PCDHA2: variants seen among roughly 807,000 people sequenced by gnomAD.
PCDHA2 encodes the protein protocadherin alpha 2.
In PCDHA2, 58 loss-of-function variants were observed where a neutral mutation model predicts 66.0. That is an observed-to-expected ratio of 0.88 (90% CI 0.71 to 1.09). The LOEUF is 1.09. Among genes scored for constraint, PCDHA2 ranks in the 50% least tolerant of loss-of-function variants. PCDHA2 has a pLI of 0.00. For missense variants in PCDHA2, 1,267 were observed against 1,242.3 expected, an observed-to-expected ratio of 1.02 and a Z score of -0.30; for synonymous variants, 634 against 554.0, an observed-to-expected ratio of 1.14 and a Z score of -2.03.
intron 1 of PCDHA2, chr5:140,803,857 G>T: frequency 3.5e-6 from 2 of 572,466 alleles, no homozygotes; most frequent in Non-Finnish European, 6.1e-6. Flanking sequence ...TAAATGCCTG[G>T]GTATAAGACA....
At chr5:140,869,908 C>T (rs189065461) in intron 1 of PCDHA2, 51 of 1,610,528 alleles carry the variant, frequency 3.2e-5, no homozygotes, top group African/African-American at 2.4e-4. Flanking sequence ...CGCCACAGAC[C>T]GAGACGAAGG....
intron 1 of PCDHA2, chr5:140,829,317 T>A (rs1327527947): frequency 6.2e-7 from 1 of 1,614,134 alleles, no homozygotes; most frequent in East Asian, 2.2e-5. Context: ...TCGTTGGTGC[T>A]GGACAGTGCC....
rs147149527 is a variant in PCDHA2 at position 140,842,554 on chromosome 5, C to T, written c.2388+45202C>T. The T allele has an allele frequency of 1.0e-3, 1,636 of 1,596,230 alleles. 137 individuals carry two copies. The highest frequency in any genetic ancestry group is 3.5e-3 in the South Asian group (317 of 90,526). On this transcript the variant is annotated intron_variant, in intron 1 of 3. Transcript: ENST00000526136. Reference sequence around the variant, plus strand: ...ATTACTACTCGTTGGTGCTGGACAGCGCCCTGGACCGCGAGAGAGTGTCGG... The same window carrying T: ...ATTACTACTCGTTGGTGCTGGACAGTGCCCTGGACCGCGAGAGAGTGTCGG...
At chr5:140,968,881 C>A in intron 1 of PCDHA2, 1 of 1,614,154 alleles carries the variant, frequency 6.2e-7, no homozygotes, top group Non-Finnish European at 8.5e-7. Context: ...CTGAAATTAC[C>A]CTTTATCTAA....
chr5:140,993,462 TCACA>T (rs3836747), intron 3 of PCDHA2, among the ~76,000 whole-genome samples: 18,508 of 140,892 alleles, frequency 0.13, 1,341 homozygotes, highest in African/African-American at 0.21. Flanking sequence ...TCTTTCTTTC[TCACA>T]CACACACACA....
chr5:140,869,541 G>A (rs1554163213), intron 1 of PCDHA2: 1 of 1,614,204 alleles, frequency 6.2e-7, no homozygotes, highest in East Asian at 2.2e-5. Flanking sequence ...CGGAATCTAA[G>A]CAATCGGACT....
intron 1 of PCDHA2, chr5:140,851,871 G>A (rs2042184673): frequency 2.0e-6 from 2 of 977,226 alleles, no homozygotes; most frequent in South Asian, 9.5e-5. Context: ...CATAACACAA[G>A]GCAGAAATCT....
At chr5:140,835,022 G>C in intron 1 of PCDHA2, 2 of 1,341,264 alleles carry the variant, frequency 1.5e-6, no homozygotes, top group South Asian at 1.4e-5. Context: ...TATTGCTCAC[G>C]GCCACCGATG....
intron 1 of PCDHA2, chr5:140,841,825 A>C: frequency 6.2e-7 from 1 of 1,613,926 alleles, no homozygotes; most frequent in Non-Finnish European, 8.5e-7. Context: ...ACTCCGTGTT[A>C]ACCTACAGGC....
intron 1 of PCDHA2, among the ~76,000 whole-genome samples, chr5:140,797,722 T>A (rs1762256155): frequency 6.6e-6 from 1 of 152,246 alleles, no homozygotes; most frequent in Non-Finnish European, 1.5e-5. Flanking sequence ...TAATACGTAT[T>A]TTCAACTGAC....
intron 1 of PCDHA2, chr5:140,825,395 ATATAT>A (rs1166769345): frequency 7.7e-6 from 1 of 130,132 alleles, no homozygotes; most frequent in African/African-American, 3.9e-5. Context: ...TATATATCTA[ATATAT>A]TATATATTTT....
At position 140,809,156 on chromosome 5, in the gene PCDHA2, C is replaced by T. The variant is rs142332964; in HGVS notation, c.2388+11804C>T. 2.7e-5 allele frequency: 44 copies of T among 1,613,980 alleles called. No homozygotes were observed. The South Asian group carries it at 4.6e-4, about 17-fold the overall frequency. On this transcript the variant is annotated intron_variant, in intron 1 of 3. Coordinates refer to ENST00000526136, the MANE Select transcript of PCDHA2 (RefSeq NM_018905.3). ...GGTACTGGTGAAGGACCACGGCGAG[C>T]CCGCGCTGACGGCCACGGCCACTGT...
intron 3 of PCDHA2, among the ~76,000 whole-genome samples, chr5:140,990,875 G>A: frequency 6.6e-6 from 1 of 152,198 alleles, no homozygotes; most frequent in East Asian, 1.9e-4. Flanking sequence ...TTAAGTGTAT[G>A]TTCCAGTGAG....
intron 1 of PCDHA2, among the ~76,000 whole-genome samples, chr5:140,831,489 T>G (rs201504089): frequency 3.9e-4 from 58 of 148,714 alleles, no homozygotes; most frequent in African/African-American, 1.2e-3. Context: ...CCTCTGGAGT[T>G]ACTACACACG....
intron 2 of PCDHA2, among the ~76,000 whole-genome samples, chr5:140,980,164 G>A (rs187011465): frequency 1.6e-3 from 238 of 152,226 alleles, no homozygotes; most frequent in Middle Eastern, 6.8e-3. Context: ...AGAATATTAG[G>A]TATCAGAAGA....
At chr5:140,887,679 C>G (rs2061539498) in intron 1 of PCDHA2, among the ~76,000 whole-genome samples, 1 of 152,058 alleles carries the variant, frequency 6.6e-6, no homozygotes, top group East Asian at 1.9e-4. Flanking sequence ...TCATTTTCAT[C>G]AAATTCAGGA....
At chr5:140,943,726 A>G (rs181662166) in intron 1 of PCDHA2, among the ~76,000 whole-genome samples, 8 of 152,372 alleles carry the variant, frequency 5.3e-5, no homozygotes, top group Middle Eastern at 3.4e-3. Flanking sequence ...GTCTGAGAGA[A>G]TGAAAGTCCA....
intron 1 of PCDHA2, chr5:140,830,636 T>G (rs2150188320): frequency 2.0e-6 from 1 of 504,942 alleles, no homozygotes; most frequent in Non-Finnish European, 3.1e-6. Flanking sequence ...TTTTAATCTC[T>G]TTGCTTCTTT....
chr5:140,814,613 T>C (rs1765552557), intron 1 of PCDHA2: 1 of 152,222 alleles, frequency 6.6e-6, no homozygotes, highest in Admixed American at 6.5e-5. Flanking sequence ...TCTTGTACTT[T>C]TATATAACTG....
Sources: allele counts gnomAD v4.1 joint callset (sites outside exome capture counted in the v4.1 genomes callset), GRCh38; gene constraint gnomAD v4.1.1; transcripts MANE v1.5; gene names NCBI Gene and HGNC (gene_info 2026-07-23, HGNC 2026-07-21).